Variants in CEP350 observed in about 807,000 individuals in gnomAD.
CEP350 encodes centrosome-associated protein 350.
A neutral mutation model predicts 331.8 loss-of-function variants in CEP350; 126 were observed. The ratio of observed to expected loss-of-function variants is 0.38; its 90% CI spans 0.33 to 0.44. The LOEUF (loss-of-function observed/expected upper bound fraction) is 0.44. Among genes scored for constraint, CEP350 ranks in the 20% least tolerant of loss-of-function variants. The probability of loss-of-function intolerance (pLI) is 1.00; values close to 1 mark genes in which losing one functional copy is unlikely to be tolerated. For missense variants in CEP350, 3,406 were observed against 3,634.6 expected (o/e 0.94, Z 1.62); for synonymous variants, 1,200 against 1,259.5 (o/e 0.95, Z 1.00).
chr1:180,058,356 T>A (rs1030560127), intron 25 of CEP350, among the ~76,000 whole-genome samples: 1 of 152,224 alleles, frequency 6.6e-6, no homozygotes, highest in Non-Finnish European at 1.5e-5. Context: ...GCTGTCATAT[T>A]GGACAGTGTA....
chr1:179,976,300 G>T lies in CEP350; in HGVS notation c.-13-9869G>T, dbSNP rs559064111. Among the ~76,000 whole-genome samples, 5 of 152,098 alleles carry T rather than the reference G, an allele frequency of 3.3e-5. 1 individual carries two copies. The South Asian group carries it at 1.0e-3, about 32-fold the overall frequency. On this transcript the variant is annotated intron_variant, in intron 1 of 37. Transcript: ENST00000367607. ...AAAAACATAGACTTTTTAGTTGAAGGACTGTTCATAACAAAGTGAAAGATA... is the reference window on the plus strand; with the variant it reads ...AAAAACATAGACTTTTTAGTTGAAGTACTGTTCATAACAAAGTGAAAGATA...
At chr1:180,110,741 TGG>T (rs1661426688) in intron 37 of CEP350, among the ~76,000 whole-genome samples, 1 of 152,222 alleles carries the variant, frequency 6.6e-6, no homozygotes, top group Non-Finnish European at 1.5e-5. Context: ...GACAACATAC[TGG>T]TAATCTTTAA....
At chr1:180,072,720 A>G (rs1658974521) in intron 27 of CEP350, among the ~76,000 whole-genome samples, 1 of 152,196 alleles carries the variant, frequency 6.6e-6, no homozygotes, top group Non-Finnish European at 1.5e-5. Context: ...AGACATTAAA[A>G]TAGTCTGTTG....
In CEP350 at chr1:180,084,127, G is replaced by T; in HGVS notation, c.6234G>T (p.Arg2078Ser). ...VNQLKKEQKKRQKERLKAQEA... is the reference protein window; with the variant it reads ...VNQLKKEQKKSQKERLKAQEA... The stretch of plus-strand genomic sequence containing the variant: ...AGCTGAAGAAGGAACAGAAAAAAAG[G>T]CAAAAGGAAAGACTGAAAGCCCAAG... Residue 2078 changes from arginine to serine, a missense_variant, in exon 31 of 38, where the codon AGG becomes AGT. Around this residue, in one of 5 missense-constraint regions of CEP350, gnomAD observed 1,415 missense variants for 1,512.3 expected, o/e 0.94. Coordinates refer to ENST00000367607, the MANE Select transcript of CEP350 (RefSeq NM_014810.5). The T allele has an allele frequency of 1.9e-6, 3 of 1,588,036 alleles. No individual in the cohort carries two copies. The highest frequency in any genetic ancestry group is 2.6e-6 in the Non-Finnish European group (3 of 1,166,678).
intron 1 of CEP350, among the ~76,000 whole-genome samples, chr1:179,979,378 A>G (rs1571808415): frequency 8.0e-6 from 1 of 124,564 alleles, no homozygotes; most frequent in Admixed American, 8.9e-5. Flanking sequence ...TTTTAATTAG[A>G]TTATTTGGGG....
chr1:180,044,474 C>A (rs1387577819), intron 21 of CEP350, among the ~76,000 whole-genome samples: 3 of 151,966 alleles, frequency 2.0e-5, no homozygotes, highest in Non-Finnish European at 4.4e-5. Context: ...AACTGAGGCT[C>A]ATGGAGATGT....
At chr1:179,980,665 A>G (rs1652202596) in intron 1 of CEP350, among the ~76,000 whole-genome samples, 1 of 152,052 alleles carries the variant, frequency 6.6e-6, no homozygotes, top group African/African-American at 2.4e-5. Flanking sequence ...GGTTAAGAAT[A>G]CTTGTACTAG....
At chr1:180,074,999 T>C in intron 27 of CEP350, 23 bp from the exon 28 acceptor site, 1 of 1,581,824 alleles carries the variant, frequency 6.3e-7, no homozygotes, top group Non-Finnish European at 8.6e-7. Flanking sequence ...TCTCTCAAAC[T>C]GTTCTTCATG....
chr1:179,956,059 C>T (rs899919030), intron 1 of CEP350, among the ~76,000 whole-genome samples: 8 of 152,098 alleles, frequency 5.3e-5, no homozygotes, highest in African/African-American at 1.9e-4. Flanking sequence ...CTAAAAGTTG[C>T]CCTCCATTCT....
chr1:180,041,636 C>A (rs944758615), intron 18 of CEP350, 26 bp from the exon 19 acceptor site: 67 of 1,589,732 alleles, frequency 4.2e-5, no homozygotes, highest in Non-Finnish European at 5.5e-5. Context: ...AACATAACTT[C>A]TTTTTTAAAC....
At position 179,986,165 on chromosome 1, in the gene CEP350, G is replaced by A. The variant is rs1652632548; in HGVS notation, c.-13-4G>A. The A allele has an allele frequency of 6.5e-7, 1 of 1,548,562 alleles. No homozygotes were observed. Among genetic ancestry groups the A allele is most frequent in the African/African-American group, 1.4e-5 (1 of 73,094 alleles). ...ATGTTCGGTGAATACTGATGTGATT[G>A]CAGGTAAATTGGCAGGATGAGGAGC... On this transcript the variant is annotated splice_region_variant and splice_polypyrimidine_tract_variant and intron_variant, in intron 1 of 37. Coordinates refer to ENST00000367607, the MANE Select transcript of CEP350 (RefSeq NM_014810.5).
intron 30 of CEP350, among the ~76,000 whole-genome samples, chr1:180,081,591 G>A (rs966595848): frequency 7.2e-5 from 11 of 152,158 alleles, no homozygotes; most frequent in African/African-American, 2.2e-4. Context: ...TATGAACTGC[G>A]TAGAATGAAC....
chr1:179,970,727 A>G (rs1435038167), intron 1 of CEP350, among the ~76,000 whole-genome samples: 1 of 152,254 alleles, frequency 6.6e-6, no homozygotes, highest in African/African-American at 2.4e-5. Context: ...GGATGAAAAC[A>G]CTGTCAATAC....
chr1:180,060,204 G>T (rs1287803578), intron 25 of CEP350, among the ~76,000 whole-genome samples: 1 of 152,188 alleles, frequency 6.6e-6, no homozygotes, highest in Non-Finnish European at 1.5e-5. Flanking sequence ...CCCTAACAGG[G>T]TCTCAAGACT....
rs964922338 is a variant in CEP350, at chr1:179,974,322, C to T, written c.-13-11847C>T. ...GTCTCGATCTCCTGACCTTGTGATC[C>T]GCCTGCCTTGGCCTCCCAAAGTGCT... On this transcript the variant is annotated intron_variant, in intron 1 of 37. Transcript: ENST00000367607. Among the ~76,000 whole-genome samples the T allele has an allele frequency of 6.6e-5, 10 of 152,224 alleles. No homozygotes were observed. In the South Asian group the frequency reaches 1.7e-3, roughly 25 times the overall value.
Position 179,996,539 on chromosome 1 carries a change from A to G in CEP350, c.396-14A>G. 2.0e-6 allele frequency: 3 copies of G among 1,517,646 alleles called. No individual in the cohort carries two copies. The highest frequency in any genetic ancestry group is 2.7e-6 in the Non-Finnish European group (3 of 1,124,962). 94.0% of individuals were successfully genotyped at this position (1,517,646 alleles called of 1,614,324 possible). On this transcript the variant is annotated splice_polypyrimidine_tract_variant and intron_variant, in intron 5 of 37. Coordinates refer to ENST00000367607, the MANE Select transcript of CEP350 (RefSeq NM_014810.5). ...ATTAATCATAGTCACAGAGCTTATT[A>G]TTTTTTATTGTAGGGAAATCCATGG...
At chr1:180,030,363 A>G (rs1655947446) in intron 14 of CEP350, among the ~76,000 whole-genome samples, 1 of 148,388 alleles carries the variant, frequency 6.7e-6, no homozygotes, top group African/African-American at 2.4e-5. Context: ...TATATATAAT[A>G]TGTGAAATAT....
chr1:179,963,882 T>C (rs145642875), intron 1 of CEP350, among the ~76,000 whole-genome samples: 1 of 152,288 alleles, frequency 6.6e-6, no homozygotes, highest in African/African-American at 2.4e-5. Flanking sequence ...GCTAATTTGA[T>C]GGGAATAGAA....
In CEP350 at chr1:180,012,135, G is replaced by C. The variant is rs755192173; in HGVS notation, c.1393+60G>C. ...ATTAAAAATTGCTATTAAGTACTTAGAGAAGGAAAAAGTACTCTTAAGAAT... is the reference window on the plus strand; with the variant it reads ...ATTAAAAATTGCTATTAAGTACTTACAGAAGGAAAAAGTACTCTTAAGAAT... On this transcript the variant is annotated intron_variant, in intron 9 of 37. Coordinates refer to ENST00000367607, the MANE Select transcript of CEP350 (RefSeq NM_014810.5). 122 of 1,412,848 alleles carry C rather than the reference G, an allele frequency of 8.6e-5. No individual in the cohort carries two copies. The East Asian group carries it at 2.3e-3, about 27-fold the overall frequency. The allele number at this position is 1,412,848 out of a possible 1,614,324, so 87.5% of individuals were successfully genotyped here. A position where few individuals can be genotyped will look rare whatever the true frequency, so the allele number is the denominator to read the frequency against.
Sources: allele counts gnomAD v4.1 joint callset (sites outside exome capture counted in the v4.1 genomes callset), GRCh38; gene constraint gnomAD v4.1.1; regional missense constraint gnomAD v4.1.1; transcripts MANE v1.5; gene names NCBI Gene and HGNC (gene_info 2026-07-23, HGNC 2026-07-21).